The following VAV3 variants were observed in gnomAD, a reference collection of about 807,000 sequenced individuals.
VAV3 encodes the protein vav guanine nucleotide exchange factor 3, also known as guanine nucleotide exchange factor VAV3.
Under a neutral mutation model 131.2 loss-of-function variants are expected in VAV3, and 94 were observed. That is an observed-to-expected ratio of 0.72 (90% CI 0.61 to 0.85). VAV3 has a LOEUF of 0.85. VAV3 is among the 40% of genes least tolerant of loss of function. The probability of loss-of-function intolerance (pLI) is 0.00; values close to 1 mark genes in which losing one functional copy is unlikely to be tolerated. For missense variants in VAV3, 939 were observed against 1,002.7 expected (o/e 0.94, Z 0.86); for synonymous variants, 349 against 342.0 (o/e 1.02, Z -0.22).
At chr1:107,748,899 G>T in intron 15 of VAV3, 69 bp downstream of exon 15, 1 of 1,142,694 alleles carries the variant, frequency 8.8e-7, no homozygotes, top group Non-Finnish European at 1.3e-6. Context: ...TACACTTATT[G>T]GTTGTTCATT....
intron 1 of VAV3, among the ~76,000 whole-genome samples, chr1:107,884,598 A>G (rs1209642277): frequency 6.6e-6 from 1 of 151,388 alleles, no homozygotes; most frequent in Non-Finnish European, 1.5e-5. Flanking sequence ...GGCAGGCACC[A>G]CCATGCCTCA....
At chr1:107,899,940 GAA>G (rs1671776362) in intron 1 of VAV3, among the ~76,000 whole-genome samples, 1 of 152,102 alleles carries the variant, frequency 6.6e-6, no homozygotes, top group Non-Finnish European at 1.5e-5. Flanking sequence ...ACCCCTTCAA[GAA>G]TCTCCTTAGG....
chr1:107,912,714 G>A (rs1672426878), intron 1 of VAV3, among the ~76,000 whole-genome samples: 1 of 152,100 alleles, frequency 6.6e-6, no homozygotes, highest in Admixed American at 6.5e-5. Flanking sequence ...TCCAGGTCAG[G>A]GACTAGATAC....
intron 19 of VAV3, among the ~76,000 whole-genome samples, chr1:107,667,964 C>G (rs72975670): frequency 3.9e-5 from 6 of 152,086 alleles, no homozygotes; most frequent in Non-Finnish European, 8.8e-5. Flanking sequence ...TGGGCCCTTC[C>G]GAGAAGCTCT....
At chr1:107,810,828 G>A (rs546567061) in intron 2 of VAV3, among the ~76,000 whole-genome samples, 17 of 152,138 alleles carry the variant, frequency 1.1e-4, no homozygotes, top group African/African-American at 3.6e-4. Flanking sequence ...GTGAAAAACA[G>A]AAACAATACG....
Position 107,862,448 on chromosome 1 carries a change from C to T in VAV3, c.321+12453G>A, listed in dbSNP as rs182741943. On this transcript the variant is annotated intron_variant, in intron 2 of 26. Transcript: ENST00000370056. ...ACACAGAAAATAAACATGGAAAGTGCCATCCTCCTTTTCTAGGAGATCTTG... is the reference window on the plus strand; with the variant it reads ...ACACAGAAAATAAACATGGAAAGTGTCATCCTCCTTTTCTAGGAGATCTTG... Among the ~76,000 whole-genome samples the T allele has an allele frequency of 1.4e-3, 205 of 151,590 alleles. 3 individuals are homozygous for T. The highest frequency in any genetic ancestry group is 4.9e-3 in the African/African-American group (203 of 41,506).
chr1:107,887,787 T>C (rs1671109511), intron 1 of VAV3, among the ~76,000 whole-genome samples: 1 of 152,124 alleles, frequency 6.6e-6, no homozygotes, highest in South Asian at 2.1e-4. Context: ...CTCTCTGATG[T>C]TTCATGACCC....
chr1:107,647,657 T>C (rs1355780712), intron 19 of VAV3, among the ~76,000 whole-genome samples: 1 of 152,072 alleles, frequency 6.6e-6, no homozygotes, highest in African/African-American at 2.4e-5. Context: ...TTATTTTTTC[T>C]ATAAATTTCC....
intron 2 of VAV3, among the ~76,000 whole-genome samples, chr1:107,824,053 GGAA>G (rs1223393987): frequency 1.3e-5 from 2 of 152,162 alleles, no homozygotes. Flanking sequence ...AAGCAGCAGA[GGAA>G]GAAGGTTTCA....
chr1:107,871,617 C>A (rs1670257627), intron 2 of VAV3, among the ~76,000 whole-genome samples: 1 of 152,082 alleles, frequency 6.6e-6, no homozygotes, highest in Non-Finnish European at 1.5e-5. Flanking sequence ...ATAAAGGTAG[C>A]ACTGAAAGGC....
At chr1:107,728,953 G>C (rs904664275) in intron 15 of VAV3, among the ~76,000 whole-genome samples, 1 of 152,066 alleles carries the variant, frequency 6.6e-6, no homozygotes, top group Non-Finnish European at 1.5e-5. Flanking sequence ...GTTGCTCTAT[G>C]GTGTTTCTTC....
rs528308382 is a variant in VAV3 at position 107,899,598 on chromosome 1, T to C, written c.205-24581A>G. Among the ~76,000 whole-genome samples, 5 of 152,274 alleles carry C rather than the reference T, an allele frequency of 3.3e-5. No homozygotes were observed. In the East Asian group the frequency reaches 7.7e-4, roughly 23 times the overall value. ...GAGCTCCGTAGGACAGGAAAGAGAA[T>C]GAATTCATTGGAATTTTCTAAGGCA... On this transcript the variant is annotated intron_variant, in intron 1 of 26. Transcript: ENST00000370056.
At chr1:107,933,365 C>T (rs1301265624) in intron 1 of VAV3, among the ~76,000 whole-genome samples, 1 of 151,438 alleles carries the variant, frequency 6.6e-6, no homozygotes, top group African/African-American at 2.4e-5. Context: ...CAAAGGATAT[C>T]TTAGACTCAT....
At chr1:107,723,871 A>G (rs1371638971) in intron 15 of VAV3, among the ~76,000 whole-genome samples, 2 of 152,200 alleles carry the variant, frequency 1.3e-5, no homozygotes, top group Non-Finnish European at 2.9e-5. Flanking sequence ...CTTAATACAC[A>G]TAAAGTGTCC....
intron 2 of VAV3, among the ~76,000 whole-genome samples, chr1:107,867,705 A>T (rs1466708648): frequency 6.6e-6 from 1 of 152,146 alleles, no homozygotes; most frequent in Non-Finnish European, 1.5e-5. Context: ...TGGTGAGTGG[A>T]GGTTGACTCC....
intron 7 of VAV3, among the ~76,000 whole-genome samples, chr1:107,766,919 A>AC (rs1166315435): frequency 6.6e-6 from 1 of 152,070 alleles, no homozygotes; most frequent in Non-Finnish European, 1.5e-5. Context: ...CCTGTGAAAA[A>AC]AGAAATTATC....
chr1:107,761,254 A>C (rs149631041), intron 9 of VAV3, among the ~76,000 whole-genome samples: 1 of 151,964 alleles, frequency 6.6e-6, no homozygotes. Context: ...TTAGCCGGTC[A>C]TGGTGGCAGG....
chr1:107,731,984 C>T (rs1202492875), intron 15 of VAV3, among the ~76,000 whole-genome samples: 7 of 152,174 alleles, frequency 4.6e-5, no homozygotes, highest in African/African-American at 1.4e-4. Context: ...ATACACTTAA[C>T]TTACAACAAC....
Position 107,948,876 on chromosome 1 carries a change from A to G in VAV3, c.204+15790T>C, listed in dbSNP as rs1269255595. The stretch of plus-strand genomic sequence containing the variant: ...ATAAACAAACAAACAAAAACAATAA[A>G]CTGAATTGCCACAATGGTTCATTCA... On this transcript the variant is annotated intron_variant, in intron 1 of 26. Transcript: ENST00000370056. Among the ~76,000 whole-genome samples, 3 of 152,162 alleles carry G rather than the reference A, an allele frequency of 2.0e-5. No homozygotes were observed. The East Asian group carries it at 5.8e-4, about 29-fold the overall frequency.
Sources: gnomAD v4.1 joint callset for allele counts (sites outside exome capture counted in the v4.1 genomes callset) on GRCh38, gnomAD v4.1.1 for gene constraint, MANE v1.5 for transcripts, NCBI Gene and HGNC (gene_info 2026-07-23, HGNC 2026-07-21) for gene names.